SCFD2: variants seen among roughly 807,000 people sequenced by gnomAD.
SCFD2 encodes the protein sec1 family domain-containing protein 2.
A neutral mutation model predicts 58.9 loss-of-function variants in SCFD2; 54 were observed. That is an observed-to-expected ratio of 0.92 (90% CI 0.74 to 1.15). The LOEUF is 1.15. SCFD2 is among the 50% of genes most tolerant of loss of function. SCFD2 has a pLI of 0.00. For synonymous variants in SCFD2, 321 were observed against 335.9 expected (o/e 0.96, Z 0.49); for missense variants, 805 against 836.6 (o/e 0.96, Z 0.47).
chr4:53,273,990 G>A lies in SCFD2; in HGVS notation c.1147C>T (p.Pro383Ser). 6.2e-7 allele frequency: 1 copy of A among 1,609,496 alleles called. No homozygotes were observed. The highest frequency in any genetic ancestry group is 8.5e-7 in the Non-Finnish European group (1 of 1,178,030). The change falls in exon 4 of 9, where the codon CCG (proline) becomes TCG (serine). Residue 383 changes from proline to serine, a missense_variant. By Grantham distance (74) the Pro-to-Ser change is moderately conservative. Transcript: ENST00000401642. ...TGAATATAGGACATGAGCTGTCCCG[G>A]TGTGACTCTCCCTGGAAACATAAGA... ...PIKMSMGRVT[P>S]GQLMSYIQLF...
At chr4:53,051,103 C>T (rs946672733) in intron 5 of SCFD2, among the ~76,000 whole-genome samples, 1 of 152,190 alleles carries the variant, frequency 6.6e-6, no homozygotes, top group African/African-American at 2.4e-5. Flanking sequence ...GAGACCACAT[C>T]TAATTTGTTC....
chr4:53,335,194 C>CAAAAAAAAAAAAAAAAAAAAAAAAAAAAA (rs56344451), intron 2 of SCFD2, among the ~76,000 whole-genome samples: 2 of 80,594 alleles, frequency 2.5e-5, no homozygotes, highest in Non-Finnish European at 4.0e-5. Flanking sequence ...GACTCCGTCT[C>CAAAAAAAAAAAAAAAAAAAAAAAAAAAAA]AAAAAAAAAA....
At chr4:53,191,422 T>C (rs552304779) in intron 4 of SCFD2, among the ~76,000 whole-genome samples, 1 of 152,268 alleles carries the variant, frequency 6.6e-6, no homozygotes, top group South Asian at 2.1e-4. Context: ...TTTTTGTTTT[T>C]TTGAGATAGA....
intron 5 of SCFD2, among the ~76,000 whole-genome samples, chr4:53,037,185 G>C (rs1383762304): frequency 6.6e-6 from 1 of 152,050 alleles, no homozygotes; most frequent in Non-Finnish European, 1.5e-5. Flanking sequence ...ACTTCCCAAA[G>C]GAATATAGTA....
intron 5 of SCFD2, among the ~76,000 whole-genome samples, chr4:52,952,930 T>A (rs11133237): frequency 0.2 from 30,919 of 152,140 alleles, 3,835 homozygotes; most frequent in South Asian, 0.4. Context: ...AATGCTAACA[T>A]CTTGAAATCT....
intron 5 of SCFD2, among the ~76,000 whole-genome samples, chr4:52,991,273 C>G (rs1721607848): frequency 6.6e-6 from 1 of 152,122 alleles, no homozygotes; most frequent in African/African-American, 2.4e-5. Context: ...TCATCCTCAC[C>G]AAAATCTCTG....
At chr4:53,250,136 G>A (rs1730301459) in intron 4 of SCFD2, among the ~76,000 whole-genome samples, 1 of 152,114 alleles carries the variant, frequency 6.6e-6, no homozygotes, top group East Asian at 1.9e-4. Context: ...ACAAAAAAAG[G>A]CAAGGGTTGC....
rs1720508122 is a variant in SCFD2, at chr4:52,948,717, G to C, written c.1562-27847C>G. On this transcript the variant is annotated intron_variant, in intron 5 of 8. Coordinates refer to ENST00000401642, the MANE Select transcript of SCFD2 (RefSeq NM_152540.4). ...CCATCAGCATAAGCAACCAACAGAA[G>C]AACACGCTGGATCCTCTCCTTTTCC... 3 of 335,302 alleles carry C rather than the reference G, an allele frequency of 8.9e-6. No individual in the cohort carries two copies. The Admixed American group carries it at 9.9e-5, about 11-fold the overall frequency. 20.8% of individuals were successfully genotyped at this position (335,302 alleles called of 1,614,324 possible). A position where few individuals can be genotyped will look rare whatever the true frequency, so the allele number is the denominator to read the frequency against.
At chr4:53,025,997 G>A (rs569877174) in intron 5 of SCFD2, among the ~76,000 whole-genome samples, 4 of 151,768 alleles carry the variant, frequency 2.6e-5, no homozygotes, top group Middle Eastern at 3.4e-3. Flanking sequence ...AAATGACTAC[G>A]GTTTTTCATT....
At chr4:53,024,645 GT>G (rs1272847943) in intron 5 of SCFD2, among the ~76,000 whole-genome samples, 2 of 149,350 alleles carry the variant, frequency 1.3e-5, no homozygotes, top group African/African-American at 4.9e-5. Flanking sequence ...ATATTCCCAT[GT>G]TTTTTTCAGC....
intron 4 of SCFD2, among the ~76,000 whole-genome samples, chr4:53,259,357 A>G (rs551108625): frequency 6.6e-6 from 1 of 152,314 alleles, no homozygotes; most frequent in African/African-American, 2.4e-5. Context: ...TTCAGGTCAT[A>G]GATGTAAGTC....
intron 4 of SCFD2, among the ~76,000 whole-genome samples, chr4:53,215,012 A>G (rs1437659553): frequency 6.6e-6 from 1 of 152,022 alleles, no homozygotes; most frequent in African/African-American, 2.4e-5. Flanking sequence ...ATTGGTCTAT[A>G]TCTCTGTTTT....
chr4:53,340,360 T>C (rs1451623611), intron 2 of SCFD2, among the ~76,000 whole-genome samples: 3 of 152,146 alleles, frequency 2.0e-5, no homozygotes, highest in Admixed American at 1.3e-4. Context: ...GCCTCGCTCA[T>C]TGCTAGCACA....
intron 5 of SCFD2, among the ~76,000 whole-genome samples, chr4:53,108,867 G>A (rs183413035): frequency 1.6e-3 from 247 of 152,324 alleles, no homozygotes; most frequent in African/African-American, 5.6e-3. Context: ...CTCACTTGAT[G>A]AGGCCAGCAT....
At chr4:53,198,571 C>G (rs1728128374) in intron 4 of SCFD2, among the ~76,000 whole-genome samples, 1 of 151,808 alleles carries the variant, frequency 6.6e-6, no homozygotes, top group Admixed American at 6.6e-5. Flanking sequence ...ATAGTTTATT[C>G]TAGTCTTATT....
chr4:53,241,970 C>T (rs570973246), intron 4 of SCFD2, among the ~76,000 whole-genome samples: 2 of 152,204 alleles, frequency 1.3e-5, no homozygotes, highest in South Asian at 2.1e-4. Context: ...CAGTACCACA[C>T]CCCCATGATA....
intron 5 of SCFD2, among the ~76,000 whole-genome samples, chr4:53,094,642 CA>C (rs1158785704): frequency 6.6e-6 from 1 of 152,004 alleles, no homozygotes; most frequent in African/African-American, 2.4e-5. Flanking sequence ...CTCTTTTTCC[CA>C]ATGTCATCAA....
chr4:53,333,458 T>A (rs1471655600), intron 2 of SCFD2, among the ~76,000 whole-genome samples: 1 of 144,136 alleles, frequency 6.9e-6, no homozygotes, highest in African/African-American at 2.6e-5. Flanking sequence ...TATCTACAAC[T>A]ATCTGATCTT....
intron 2 of SCFD2, among the ~76,000 whole-genome samples, chr4:53,335,013 A>G (rs573161350): frequency 1.3e-5 from 2 of 152,208 alleles, no homozygotes; most frequent in Admixed American, 6.5e-5. Flanking sequence ...CCTAGCCAAC[A>G]TAGCAAAACC....
Sources: allele counts gnomAD v4.1 joint callset (sites outside exome capture counted in the v4.1 genomes callset), GRCh38; gene constraint gnomAD v4.1.1; transcripts MANE v1.5; gene names NCBI Gene and HGNC (gene_info 2026-07-23, HGNC 2026-07-21).